Variants in C8orf34 observed in about 807,000 individuals in gnomAD.
C8orf34 encodes chromosome 8 open reading frame 34.
C8orf34 carries 65 observed loss-of-function variants against 68.3 expected under a neutral mutation model. That is an observed-to-expected ratio of 0.95 (90% CI 0.78 to 1.17). The LOEUF (loss-of-function observed/expected upper bound fraction) is 1.17, where lower values mean the gene tolerates loss of function less well. Ranked by LOEUF, C8orf34 falls within the 50% of genes most tolerant of loss-of-function variation. The probability of loss-of-function intolerance (pLI) is 0.00; values close to 1 mark genes in which losing one functional copy is unlikely to be tolerated. For synonymous variants in C8orf34, 244 were observed against 241.2 expected, an observed-to-expected ratio of 1.01 and a Z score of -0.11; for missense variants, 664 against 655.4, an observed-to-expected ratio of 1.01 and a Z score of -0.14.
At chr8:68,618,089 A>G (rs548273219) in intron 7 of C8orf34, among the ~76,000 whole-genome samples, 189 of 152,100 alleles carry the variant, frequency 1.2e-3, no homozygotes, top group African/African-American at 4.4e-3. Context: ...AAATCTTACT[A>G]TCATCTTGTC....
intron 7 of C8orf34, among the ~76,000 whole-genome samples, chr8:68,594,667 A>G (rs1817490656): frequency 1.3e-5 from 2 of 152,044 alleles, no homozygotes; most frequent in Non-Finnish European, 2.9e-5. Context: ...TCTATGTTCT[A>G]CTATTCTACA....
intron 1 of C8orf34, among the ~76,000 whole-genome samples, chr8:68,426,874 A>AAAACCAAACCAAACC (rs55834572): frequency 1.3e-5 from 2 of 150,958 alleles, no homozygotes; most frequent in African/African-American, 4.9e-5. Flanking sequence ...CGTCTAAAAA[A>AAAACCAAACCAAACC]AAACCAAACC....
At chr8:68,599,396 G>T (rs753478472) in intron 7 of C8orf34, among the ~76,000 whole-genome samples, 1 of 151,864 alleles carries the variant, frequency 6.6e-6, no homozygotes, top group African/African-American at 2.4e-5. Context: ...AATCTTAGCC[G>T]AAAGTAATCT....
rs186380461 is a variant in C8orf34, at chr8:68,441,006, G to A, written c.475+1360G>A. Among the ~76,000 whole-genome samples the A allele has an allele frequency of 6.4e-3, 980 of 152,106 alleles. 6 individuals are homozygous for A. Among genetic ancestry groups the A allele is most frequent in the Non-Finnish European group, 0.01 (696 of 67,984 alleles). ...TTTTTAGTAGAGACGGGGTTTCACT[G>A]TGTTAGCCAGGATGGTCTCGATCTC... On this transcript the variant is annotated intron_variant, in intron 2 of 13. Coordinates refer to ENST00000518698, the MANE Select transcript of C8orf34 (RefSeq NM_052958.4).
At chr8:68,816,724 T>A (rs995485301) in intron 13 of C8orf34, among the ~76,000 whole-genome samples, 3 of 152,194 alleles carry the variant, frequency 2.0e-5, no homozygotes, top group Non-Finnish European at 4.4e-5. Flanking sequence ...AAATAAATAA[T>A]TTCTTCAATG....
chr8:68,677,106 AAATCAAT>A (rs1820215191), intron 8 of C8orf34, among the ~76,000 whole-genome samples: 2 of 152,106 alleles, frequency 1.3e-5, no homozygotes, highest in South Asian at 2.1e-4. Flanking sequence ...ATAAAACGGG[AAATCAAT>A]AACAAGACGA....
At chr8:68,415,662 A>T (rs1809634751) in intron 1 of C8orf34, among the ~76,000 whole-genome samples, 1 of 152,196 alleles carries the variant, frequency 6.6e-6, no homozygotes, top group South Asian at 2.1e-4. Flanking sequence ...AAGATTACTT[A>T]GCCATTCATA....
intron 1 of C8orf34, among the ~76,000 whole-genome samples, chr8:68,344,182 T>A (rs1585951137): frequency 6.6e-6 from 1 of 152,102 alleles, no homozygotes; most frequent in African/African-American, 2.4e-5. Flanking sequence ...TATGGCTGAA[T>A]CATTAAACAA....
In C8orf34 at chr8:68,414,637, G is replaced by T. The variant is rs79183955; in HGVS notation, c.328-24862G>T. 5.8e-3 allele frequency among the ~76,000 whole-genome samples: 888 copies of T among 152,244 alleles called. 34 individuals carry two copies. In the East Asian group the frequency reaches 0.11, roughly 18 times the overall value. ...TTCCTGACCTCAAGAACTCCTCAGA[G>T]AACTGCACGGGTAAAATAAAATGAT... On this transcript the variant is annotated intron_variant, in intron 1 of 13. Transcript: ENST00000518698.
intron 5 of C8orf34, among the ~76,000 whole-genome samples, chr8:68,506,165 TAGA>T (rs1814014205): frequency 6.6e-6 from 1 of 152,080 alleles, no homozygotes; most frequent in Non-Finnish European, 1.5e-5. Flanking sequence ...GATACAAAAT[TAGA>T]AGATGACTTT....
chr8:68,796,417 T>C (rs1824177987), intron 12 of C8orf34, among the ~76,000 whole-genome samples: 1 of 152,188 alleles, frequency 6.6e-6, no homozygotes, highest in Admixed American at 6.5e-5. Flanking sequence ...ATTTGAGGAA[T>C]GGAAGTATGA....
intron 12 of C8orf34, chr8:68,791,211 A>G (rs1823985226): frequency 2.6e-6 from 1 of 384,970 alleles, no homozygotes; most frequent in Non-Finnish European, 4.6e-6. Context: ...CAGGAAACTT[A>G]CAGTCATGGC....
intron 1 of C8orf34, 53 bp from the exon 2 acceptor site, chr8:68,439,446 A>G: frequency 1.9e-6 from 3 of 1,560,924 alleles, no homozygotes; most frequent in Non-Finnish European, 2.6e-6. Context: ...AGTGCTTGCT[A>G]TTACTGTTGC....
At chr8:68,558,332 T>C (rs1816315735) in intron 7 of C8orf34, among the ~76,000 whole-genome samples, 1 of 150,926 alleles carries the variant, frequency 6.6e-6, no homozygotes, top group South Asian at 2.1e-4. Context: ...CTTTGATTAC[T>C]AATCTTAAAT....
intron 1 of C8orf34, among the ~76,000 whole-genome samples, chr8:68,356,921 T>TA (rs1264880162): frequency 6.6e-6 from 1 of 152,138 alleles, no homozygotes; most frequent in Non-Finnish European, 1.5e-5. Context: ...ATCTAATTCA[T>TA]AGTGACAAGC....
intron 12 of C8orf34, chr8:68,790,825 T>C (rs1823973592): frequency 5.7e-6 from 4 of 701,026 alleles, no homozygotes; most frequent in Admixed American, 2.0e-5. Flanking sequence ...ACCTACTAAA[T>C]CAGAATCTCT....
intron 8 of C8orf34, among the ~76,000 whole-genome samples, chr8:68,652,224 A>G (rs972812317): frequency 6.6e-6 from 1 of 152,208 alleles, no homozygotes; most frequent in Non-Finnish European, 1.5e-5. Flanking sequence ...TCTTTGGAGA[A>G]GTATCTATTT....
At chr8:68,564,973 G>C (rs1217944659) in intron 7 of C8orf34, among the ~76,000 whole-genome samples, 1 of 152,138 alleles carries the variant, frequency 6.6e-6, no homozygotes, top group African/African-American at 2.4e-5. Context: ...GTTGAGAATA[G>C]GGTGCCTGCC....
chr8:68,482,071 G>T (rs1812881981), intron 4 of C8orf34, among the ~76,000 whole-genome samples: 1 of 152,178 alleles, frequency 6.6e-6, no homozygotes, highest in Non-Finnish European at 1.5e-5. Context: ...GTTGTGGGAG[G>T]AACCCAGGGG....
Sources: gnomAD v4.1 joint callset for allele counts (sites outside exome capture counted in the v4.1 genomes callset) on GRCh38, gnomAD v4.1.1 for gene constraint, MANE v1.5 for transcripts, NCBI Gene and HGNC (gene_info 2026-07-23, HGNC 2026-07-21) for gene names.